ARHGAP15: variants seen among roughly 807,000 people sequenced by gnomAD.
ARHGAP15 encodes Rho GTPase activating protein 15, also known as rho GTPase-activating protein 15.
Under a neutral mutation model 63.7 loss-of-function variants are expected in ARHGAP15, and 51 were observed. That is an observed-to-expected ratio of 0.80 (90% CI 0.64 to 1.01). The LOEUF (loss-of-function observed/expected upper bound fraction) is 1.01. Ranked by LOEUF, ARHGAP15 falls within the 50% of genes least tolerant of loss-of-function variation. The probability of loss-of-function intolerance (pLI) is 0.00; values close to 1 mark genes in which losing one functional copy is unlikely to be tolerated. For missense variants in ARHGAP15, 560 were observed against 564.6 expected, an observed-to-expected ratio of 0.99 and a Z score of 0.08; for synonymous variants, 191 against 193.8, an observed-to-expected ratio of 0.99 and a Z score of 0.12.
At chr2:143,271,177 G>GATTTTAA (rs1681260997) in intron 6 of ARHGAP15, among the ~76,000 whole-genome samples, 1 of 152,100 alleles carries the variant, frequency 6.6e-6, no homozygotes, top group African/African-American at 2.4e-5. Flanking sequence ...TTCTGCTACT[G>GATTTTAA]TATGTAGATT....
At chr2:143,353,222 T>C (rs553705777) in intron 6 of ARHGAP15, among the ~76,000 whole-genome samples, 2 of 152,242 alleles carry the variant, frequency 1.3e-5, no homozygotes, top group South Asian at 4.1e-4. Context: ...CCCAAGAGTT[T>C]GAGGCTGCAT....
intron 6 of ARHGAP15, among the ~76,000 whole-genome samples, chr2:143,312,212 G>A (rs964884628): frequency 6.6e-6 from 1 of 152,024 alleles, no homozygotes; most frequent in African/African-American, 2.4e-5. Flanking sequence ...TTCTATAATG[G>A]CATCTCTGTA....
At chr2:143,713,869 G>C (rs1004073229) in intron 13 of ARHGAP15, among the ~76,000 whole-genome samples, 25 of 152,326 alleles carry the variant, frequency 1.6e-4, no homozygotes, top group African/African-American at 5.5e-4. Context: ...CTCTGCCCCT[G>C]TGGCTTTGCA....
At chr2:143,558,019 G>T (rs974454336) in intron 11 of ARHGAP15, among the ~76,000 whole-genome samples, 2 of 151,980 alleles carry the variant, frequency 1.3e-5, no homozygotes, top group African/African-American at 4.8e-5. Flanking sequence ...AAATTAAACT[G>T]GGTAGCATCT....
At chr2:143,435,920 T>G (rs1048574024) in intron 7 of ARHGAP15, among the ~76,000 whole-genome samples, 2 of 152,124 alleles carry the variant, frequency 1.3e-5, no homozygotes, top group East Asian at 3.9e-4. Context: ...GTGCATTCTT[T>G]CTTTTTTTCT....
intron 9 of ARHGAP15, 144 bp from the exon 10 acceptor site, chr2:143,519,122 G>T (rs1693948108): frequency 3.6e-6 from 2 of 550,158 alleles, no homozygotes; most frequent in Admixed American, 2.8e-5. Flanking sequence ...TCATATGTCT[G>T]CCATAGACAC....
intron 11 of ARHGAP15, among the ~76,000 whole-genome samples, chr2:143,615,026 A>G (rs1698400871): frequency 6.6e-6 from 1 of 152,238 alleles, no homozygotes. Context: ...TAAAATTTAT[A>G]CATCTCCCAA....
intron 11 of ARHGAP15, among the ~76,000 whole-genome samples, chr2:143,598,920 AT>A (rs1697640791): frequency 6.6e-6 from 1 of 151,346 alleles, no homozygotes; most frequent in African/African-American, 2.4e-5. Context: ...ATCTTAAAAA[AT>A]AAGTTGGTTT....
intron 8 of ARHGAP15, among the ~76,000 whole-genome samples, chr2:143,471,067 A>G (rs1037508283): frequency 2.7e-5 from 4 of 147,658 alleles, no homozygotes; most frequent in African/African-American, 1.0e-4. Context: ...ATATACACAT[A>G]TGATACACAT....
intron 11 of ARHGAP15, among the ~76,000 whole-genome samples, chr2:143,595,242 T>C (rs1270872507): frequency 6.6e-6 from 1 of 152,174 alleles, no homozygotes; most frequent in Non-Finnish European, 1.5e-5. Flanking sequence ...GCAAATCAGT[T>C]GCTGTCAGAG....
At chr2:143,357,325 A>G (rs965314411) in intron 6 of ARHGAP15, among the ~76,000 whole-genome samples, 2 of 152,054 alleles carry the variant, frequency 1.3e-5, no homozygotes, top group Non-Finnish European at 2.9e-5. Context: ...GCTACTTTCA[A>G]CTACATGTTT....
At chr2:143,513,416 T>C (rs1693672465) in intron 9 of ARHGAP15, among the ~76,000 whole-genome samples, 1 of 152,172 alleles carries the variant, frequency 6.6e-6, no homozygotes, top group Non-Finnish European at 1.5e-5. Flanking sequence ...AAAATCCTCT[T>C]CCAGGTCTTA....
In ARHGAP15 at chr2:143,422,428, T is replaced by C. The variant is rs1288281631; in HGVS notation, c.475-13173T>C. Among the ~76,000 whole-genome samples, 8 of 152,124 alleles carry C rather than the reference T, an allele frequency of 5.3e-5. No homozygotes were observed. In the East Asian group the frequency reaches 1.5e-3, roughly 29 times the overall value. On this transcript the variant is annotated intron_variant, in intron 6 of 13. Coordinates refer to ENST00000295095, the MANE Select transcript of ARHGAP15 (RefSeq NM_018460.4). Reference sequence around the variant, plus strand: ...TCTTGATGAAGCAGGCAAAAAACTATAGTTGGGACAACTACTATGGAAAAG... The same window carrying C: ...TCTTGATGAAGCAGGCAAAAAACTACAGTTGGGACAACTACTATGGAAAAG...
intron 6 of ARHGAP15, among the ~76,000 whole-genome samples, chr2:143,331,294 G>A (rs148007813): frequency 5.3e-5 from 8 of 151,868 alleles, no homozygotes; most frequent in Admixed American, 1.3e-4. Context: ...TCCTTGCTCC[G>A]ATCGCTCTTC....
At chr2:143,283,401 GAAGT>G (rs960515408) in intron 6 of ARHGAP15, among the ~76,000 whole-genome samples, 52 of 152,248 alleles carry the variant, frequency 3.4e-4, no homozygotes, top group African/African-American at 1.2e-3. Context: ...TCAAAAATTT[GAAGT>G]AAGACAAAAA....
At chr2:143,325,786 A>G (rs1472994739) in intron 6 of ARHGAP15, among the ~76,000 whole-genome samples, 1 of 152,112 alleles carries the variant, frequency 6.6e-6, no homozygotes, top group Non-Finnish European at 1.5e-5. Flanking sequence ...TGTTGGTTAT[A>G]CTTTCATTAT....
chr2:143,458,525 C>A (rs1276551169), intron 8 of ARHGAP15, among the ~76,000 whole-genome samples: 1 of 152,086 alleles, frequency 6.6e-6, no homozygotes, highest in African/African-American at 2.4e-5. Flanking sequence ...TGCTGAAGGG[C>A]CGGTGATCAT....
At chr2:143,546,455 T>TA (rs1055158452) in intron 10 of ARHGAP15, among the ~76,000 whole-genome samples, 53 of 148,440 alleles carry the variant, frequency 3.6e-4, no homozygotes, top group East Asian at 2.0e-3. Context: ...TTGCTAAAAT[T>TA]AAAAAAAAAA....
intron 6 of ARHGAP15, chr2:143,350,815 G>C (rs1388435841): frequency 8.9e-6 from 1 of 112,628 alleles, no homozygotes; most frequent in Admixed American, 1.3e-4. Flanking sequence ...CTCCAGTCTC[G>C]ATGACAGAGC....
Sources: allele counts gnomAD v4.1 joint callset (sites outside exome capture counted in the v4.1 genomes callset), GRCh38; gene constraint gnomAD v4.1.1; transcripts MANE v1.5; gene names NCBI Gene and HGNC (gene_info 2026-07-23, HGNC 2026-07-21).